The following GFRAL variants were observed in gnomAD, a reference collection of about 807,000 sequenced individuals.
The protein encoded by GFRAL is GDNF family receptor alpha-like.
In GFRAL, 36 loss-of-function variants were observed where a neutral mutation model predicts 45.4. The ratio of observed to expected loss-of-function variants is 0.79; its 90% confidence interval spans 0.61 to 1.05. The LOEUF (loss-of-function observed/expected upper bound fraction) is 1.05, where lower values mean the gene tolerates loss of function less well. Among genes scored for constraint, GFRAL ranks in the 50% least tolerant of loss-of-function variants. The pLI is 0.00. For missense variants in GFRAL, 507 were observed against 467.5 expected, an observed-to-expected ratio of 1.08 and a Z score of -0.78; for synonymous variants, 166 against 154.1, an observed-to-expected ratio of 1.08 and a Z score of -0.57.
intron 6 of GFRAL, among the ~76,000 whole-genome samples, chr6:55,395,175 AATAT>A (rs1234650477): frequency 8.1e-5 from 10 of 123,490 alleles, no homozygotes; most frequent in African/African-American, 3.5e-4. Context: ...AAAAAAAAAA[AATAT>A]ATATATATAT....
At chr6:55,378,882 A>C (rs1305211768) in intron 6 of GFRAL, among the ~76,000 whole-genome samples, 3 of 152,036 alleles carry the variant, frequency 2.0e-5, no homozygotes, top group African/African-American at 7.2e-5. Context: ...GTGCATGGAC[A>C]GTAAACACTG....
At chr6:55,390,895 T>TACACAC (rs34769114) in intron 6 of GFRAL, among the ~76,000 whole-genome samples, 13,401 of 135,348 alleles carry the variant, frequency 0.099, 721 homozygotes, top group Non-Finnish European at 0.12. Flanking sequence ...CTCACACACA[T>TACACAC]ACACACACAC....
At chr6:55,336,593 C>T (rs189766677) in intron 3 of GFRAL, among the ~76,000 whole-genome samples, 19 of 152,190 alleles carry the variant, frequency 1.2e-4, no homozygotes, top group African/African-American at 4.6e-4. Flanking sequence ...GACTTTATAG[C>T]CTATGACTTG....
intron 3 of GFRAL, among the ~76,000 whole-genome samples, chr6:55,348,492 T>G (rs183330967): frequency 6.6e-6 from 1 of 152,232 alleles, no homozygotes; most frequent in East Asian, 1.9e-4. Context: ...GCAAAAATTG[T>G]ATTTTTCCCC....
At chr6:55,374,924 G>A (rs1044806299) in intron 6 of GFRAL, among the ~76,000 whole-genome samples, 6 of 152,162 alleles carry the variant, frequency 3.9e-5, no homozygotes, top group African/African-American at 7.2e-5. Flanking sequence ...TCAAAGATCA[G>A]ATGGTTGTAG....
At chr6:55,338,895 A>G (rs1299912567) in intron 3 of GFRAL, among the ~76,000 whole-genome samples, 1 of 152,146 alleles carries the variant, frequency 6.6e-6, no homozygotes, top group Non-Finnish European at 1.5e-5. Context: ...TGCTATGAGG[A>G]GCTATTACAT....
intron 7 of GFRAL, 31 bp from the exon 8 acceptor site, chr6:55,399,338 C>T (rs958843110): frequency 6.4e-7 from 1 of 1,565,198 alleles, no homozygotes; most frequent in Admixed American, 1.7e-5. Context: ...AATCCAGTGA[C>T]TATTATTTCT....
chr6:55,330,773 T>C (rs1256659087), intron 1 of GFRAL, among the ~76,000 whole-genome samples: 1 of 152,022 alleles, frequency 6.6e-6, no homozygotes, highest in Admixed American at 6.6e-5. Context: ...TCAGGTAGAT[T>C]AGGGGTTACA....
chr6:55,343,171 G>T (rs966524918), intron 3 of GFRAL, among the ~76,000 whole-genome samples: 2 of 152,144 alleles, frequency 1.3e-5, no homozygotes, highest in Non-Finnish European at 2.9e-5. Flanking sequence ...TCTGCACCAA[G>T]CAGACCTAAT....
chr6:55,361,166 G>C (rs979673425), intron 6 of GFRAL, among the ~76,000 whole-genome samples: 1 of 151,936 alleles, frequency 6.6e-6, no homozygotes, highest in African/African-American at 2.4e-5. Context: ...CTAGGAAGAG[G>C]AAGTTTTTGC....
intron 3 of GFRAL, among the ~76,000 whole-genome samples, chr6:55,334,574 A>G (rs756897141): frequency 6.6e-6 from 1 of 152,190 alleles, no homozygotes; most frequent in Admixed American, 6.5e-5. Context: ...TCCGAAAAGT[A>G]ATCAGCAGAG....
intron 6 of GFRAL, among the ~76,000 whole-genome samples, chr6:55,395,863 C>T (rs989261179): frequency 3.3e-5 from 5 of 151,760 alleles, no homozygotes; most frequent in African/African-American, 1.2e-4. Context: ...AAATTTGTTC[C>T]TAATGCAAGA....
At chr6:55,400,536 C>T (rs924920875) in intron 8 of GFRAL, among the ~76,000 whole-genome samples, 1 of 152,054 alleles carries the variant, frequency 6.6e-6, no homozygotes, top group Admixed American at 6.6e-5. Flanking sequence ...TACGGACATC[C>T]TAATTTATTT....
At position 55,399,273 on chromosome 6, in the gene GFRAL, A is replaced by G; in HGVS notation, c.1046A>G (p.Asn349Ser). Residue 349 changes from asparagine (N) to serine (S), a missense_variant and splice_region_variant, in exon 7 of 9, where the codon AAT becomes AGT. Asn to Ser is a conservative substitution (Grantham distance 46, BLOSUM62 1). Coordinates refer to ENST00000340465, the MANE Select transcript of GFRAL (RefSeq NM_207410.2). ...TTAACTGGATTTCATTCCCCCTTCA[A>G]TGGTCAGTTAAAAATCAATCCTCTA... Reference protein sequence around the residue: ...ITLTGFHSPFNGEVIYAAMCM... With the variant: ...ITLTGFHSPFSGEVIYAAMCM... 12 of 1,583,034 alleles carry G rather than the reference A, an allele frequency of 7.6e-6. No homozygotes were observed. Among genetic ancestry groups the G allele is most frequent in the Non-Finnish European group, 1.0e-5 (12 of 1,154,426 alleles).
At position 55,338,129 on chromosome 6, in the gene GFRAL, C is replaced by T. The variant is rs549008072; in HGVS notation, c.316+4185C>T. 2.7e-4 allele frequency among the ~76,000 whole-genome samples: 41 copies of T among 152,102 alleles called. No individual in the cohort carries two copies. In the Middle Eastern group the frequency reaches 0.01, roughly 38 times the overall value. On this transcript the variant is annotated intron_variant, in intron 3 of 8. Coordinates refer to ENST00000340465, the MANE Select transcript of GFRAL (RefSeq NM_207410.2). ...ATTTTGAGGCAGAGTCTCTCTCTGT[C>T]GCCCAGGCTGGAGTGCAGTGGAGTG...
chr6:55,341,906 T>G (rs747163978), intron 3 of GFRAL, among the ~76,000 whole-genome samples: 2 of 151,898 alleles, frequency 1.3e-5, no homozygotes, highest in Non-Finnish European at 2.9e-5. Flanking sequence ...TTCGATCAAC[T>G]GGAAGAAAGA....
At chr6:55,393,534 C>A (rs1023911423) in intron 6 of GFRAL, among the ~76,000 whole-genome samples, 1 of 152,030 alleles carries the variant, frequency 6.6e-6, no homozygotes, top group South Asian at 2.1e-4. Flanking sequence ...TAGGCAGACA[C>A]CTGAAGAAAG....
intron 6 of GFRAL, among the ~76,000 whole-genome samples, chr6:55,368,797 A>G (rs1490264301): frequency 2.6e-5 from 4 of 152,178 alleles, no homozygotes; most frequent in Non-Finnish European, 2.9e-5. Context: ...CAGTCTGCCC[A>G]TTCTCAGATC....
chr6:55,331,956 C>A, intron 2 of GFRAL, 107 bp downstream of exon 2: 1 of 956,188 alleles, frequency 1.0e-6, no homozygotes, highest in Non-Finnish European at 1.5e-6. Context: ...TTCTATGTAT[C>A]TTATTTAATC....
Sources: gnomAD v4.1 joint callset for allele counts (sites outside exome capture counted in the v4.1 genomes callset) on GRCh38, gnomAD v4.1.1 for gene constraint, MANE v1.5 for transcripts, NCBI Gene and HGNC (gene_info 2026-07-23, HGNC 2026-07-21) for gene names.